Variants in ELAVL2 observed in about 807,000 individuals in gnomAD.
The protein encoded by ELAVL2 is ELAV-like protein 2.
In ELAVL2, 4 loss-of-function variants were observed where a neutral mutation model predicts 34.6. The observed-to-expected ratio is 0.12, with a 90% CI of 0.06 to 0.26. The LOEUF is 0.26. Among genes scored for constraint, ELAVL2 ranks in the 10% least tolerant of loss-of-function variants. The pLI, the probability that ELAVL2 is intolerant of heterozygous loss-of-function variation, is 1.00. For synonymous variants in ELAVL2, 193 were observed against 154.8 expected, an observed-to-expected ratio of 1.25 and a Z score of -1.83; for missense variants, 432 against 442.8, an observed-to-expected ratio of 0.98 and a Z score of 0.22.
At chr9:23,846,839 A>G in the ELAVL2 span, among the ~76,000 whole-genome samples, 1 of 152,098 alleles carries the variant, frequency 6.6e-6, no homozygotes, top group Non-Finnish European at 1.5e-5. Context: ...TGGCAATTAC[A>G]TGAGCTTTAT....
rs79863041 is a variant in ELAVL2, at chr9:23,745,851, T to G, written c.230-14726A>C. The stretch of plus-strand genomic sequence containing the variant: ...TAAAAGCAATGGGAGTCACCAAACA[T>G]TACTGACCTCTGAAGACTAAAAGCT... On this transcript the variant is annotated intron_variant, in intron 2 of 6. Coordinates refer to ENST00000397312, the MANE Select transcript of ELAVL2 (RefSeq NM_004432.5). Among the ~76,000 whole-genome samples the G allele has an allele frequency of 9.1e-3, 1,380 of 152,244 alleles. 15 individuals carry two copies. The highest frequency in any genetic ancestry group is 0.032 in the African/African-American group (1,313 of 41,548).
At chr9:23,737,483 T>A (rs1238255963) in intron 2 of ELAVL2, among the ~76,000 whole-genome samples, 2 of 152,224 alleles carry the variant, frequency 1.3e-5, no homozygotes, top group Non-Finnish European at 2.9e-5. Context: ...TCATCTAGAG[T>A]AATTTGATAG....
chr9:23,814,835 C>T (rs868117993), intron 1 of ELAVL2, among the ~76,000 whole-genome samples: 1 of 152,140 alleles, frequency 6.6e-6, no homozygotes, highest in African/African-American at 2.4e-5. Context: ...AAAAGCAGCT[C>T]AGAGAAAACA....
At chr9:23,699,135 T>C (rs2036276923) in intron 5 of ELAVL2, among the ~76,000 whole-genome samples, 1 of 152,126 alleles carries the variant, frequency 6.6e-6, no homozygotes, top group Admixed American at 6.5e-5. Flanking sequence ...AAACACAGAA[T>C]GGGCCAGAAA....
the ELAVL2 span, among the ~76,000 whole-genome samples, chr9:23,841,187 G>C: frequency 6.6e-6 from 1 of 152,092 alleles, no homozygotes; most frequent in African/African-American, 2.4e-5. Context: ...AAGCCTAGGG[G>C]AACAAAGGAC....
the ELAVL2 span, among the ~76,000 whole-genome samples, chr9:23,836,578 G>A: frequency 6.6e-6 from 1 of 152,052 alleles, no homozygotes; most frequent in Non-Finnish European, 1.5e-5. Context: ...TATAAAAGAG[G>A]AAAATATTCA....
chr9:23,708,427 G>A (rs574681035), intron 3 of ELAVL2, among the ~76,000 whole-genome samples: 2 of 152,294 alleles, frequency 1.3e-5, no homozygotes, highest in South Asian at 2.1e-4. Context: ...CACAACTAGT[G>A]TTGAATTCTG....
chr9:23,797,546 A>G (rs1424875181), intron 1 of ELAVL2, among the ~76,000 whole-genome samples: 1 of 152,232 alleles, frequency 6.6e-6, no homozygotes, highest in East Asian at 1.9e-4. Context: ...AATGACAGAA[A>G]TAATTAAAGG....
chr9:23,717,211 G>C (rs1055854925), intron 3 of ELAVL2, among the ~76,000 whole-genome samples: 2 of 152,128 alleles, frequency 1.3e-5, no homozygotes, highest in Non-Finnish European at 2.9e-5. Flanking sequence ...AAAATATAAT[G>C]ATCCTTTCCT....
intron 1 of ELAVL2, among the ~76,000 whole-genome samples, chr9:23,771,621 A>T (rs1469262402): frequency 1.3e-5 from 2 of 152,188 alleles, no homozygotes; most frequent in Non-Finnish European, 2.9e-5. Flanking sequence ...ACAAATCAGT[A>T]GCTTAAAACA....
chr9:23,846,230 A>G, the ELAVL2 span, among the ~76,000 whole-genome samples: 1 of 151,884 alleles, frequency 6.6e-6, no homozygotes, highest in Non-Finnish European at 1.5e-5. Context: ...TTAATTTTCT[A>G]TATCACTTAC....
chr9:23,759,006 G>C (rs757912149), intron 2 of ELAVL2, among the ~76,000 whole-genome samples: 4 of 152,114 alleles, frequency 2.6e-5, no homozygotes, highest in Admixed American at 2.0e-4. Context: ...AAAATGGTAT[G>C]AAAGTTCCTC....
intron 1 of ELAVL2, among the ~76,000 whole-genome samples, chr9:23,809,314 A>C (rs550912632): frequency 3.3e-5 from 5 of 152,166 alleles, no homozygotes; most frequent in Admixed American, 3.3e-4. Context: ...ATTTGCAGAG[A>C]TAAGAAATCA....
At chr9:23,706,582 G>T (rs569090046) in intron 3 of ELAVL2, among the ~76,000 whole-genome samples, 1 of 152,150 alleles carries the variant, frequency 6.6e-6, no homozygotes, top group South Asian at 2.1e-4. Flanking sequence ...TAATATTCTG[G>T]ACTAGCCTAC....
chr9:23,732,995 A>G (rs2046959135), intron 2 of ELAVL2, among the ~76,000 whole-genome samples: 1 of 152,120 alleles, frequency 6.6e-6, no homozygotes, highest in South Asian at 2.1e-4. Flanking sequence ...ACAGAAAAAG[A>G]AAAGGGCAAT....
At chr9:23,812,304 G>C (rs1393137424) in intron 1 of ELAVL2, among the ~76,000 whole-genome samples, 1 of 152,034 alleles carries the variant, frequency 6.6e-6, no homozygotes, top group Non-Finnish European at 1.5e-5. Context: ...ACAAAACCTA[G>C]AAGAATATTT....
chr9:23,762,299 T>G (rs1286370716), intron 1 of ELAVL2, 50 bp from the exon 2 acceptor site: 1 of 1,582,052 alleles, frequency 6.3e-7, no homozygotes, highest in East Asian at 2.2e-5. Flanking sequence ...TCACAACCTA[T>G]TAGAGACTCC....
chr9:23,734,431 C>G (rs550766390), intron 2 of ELAVL2, among the ~76,000 whole-genome samples: 1 of 152,210 alleles, frequency 6.6e-6, no homozygotes, highest in South Asian at 2.1e-4. Flanking sequence ...TTCTACAAAT[C>G]AAAAAGGCAG....
chr9:23,789,187 T>C (rs1359752388), intron 1 of ELAVL2, among the ~76,000 whole-genome samples: 2 of 152,104 alleles, frequency 1.3e-5, no homozygotes, highest in Admixed American at 6.5e-5. Flanking sequence ...AGTCCCTATA[T>C]AGAGGGACTG....
Sources: allele counts gnomAD v4.1 joint callset (sites outside exome capture counted in the v4.1 genomes callset), GRCh38; gene constraint gnomAD v4.1.1; transcripts MANE v1.5; gene names NCBI Gene and HGNC (gene_info 2026-07-23, HGNC 2026-07-21).